The following RAD23A variants were observed in gnomAD, a reference collection of about 807,000 sequenced individuals.
RAD23A encodes lysine-specific demethylase RAD23A.
In RAD23A, 16 loss-of-function variants were observed where a neutral mutation model predicts 44.8. The ratio of observed to expected loss-of-function variants is 0.36; its 90% confidence interval spans 0.24 to 0.54. The LOEUF is 0.54. Among genes scored for constraint, RAD23A ranks in the 20% least tolerant of loss-of-function variants. RAD23A has a pLI of 0.89. For synonymous variants in RAD23A, 217 were observed against 202.9 expected (o/e 1.07, Z -0.59); for missense variants, 380 against 483.3 (o/e 0.79, Z 2.00).
Position 12,948,294 on chromosome 19 carries a change from G to A in RAD23A, c.352G>A (p.Ala118Thr), listed in dbSNP as rs766779899. Residue 118 changes from alanine to threonine, a missense_variant, in exon 3 of 9, where the codon GCC (alanine) becomes ACC (threonine). Physicochemically the swap from Ala to Thr is moderately conservative, Grantham distance 58. Coordinates refer to ENST00000586534, the MANE Select transcript of RAD23A (RefSeq NM_005053.4). The surrounding 1 kb of genome is among the most constrained non-coding windows in gnomAD (Gnocchi z 5.5). ...TSGMSHPPPA[A>T]REDKSPSEES... ...AGGCATGTCCCATCCCCCACCTGCC[G>A]CCAGAGAGGACAAGAGCCCATCAGA... 70 of 1,612,848 alleles carry A rather than the reference G, an allele frequency of 4.3e-5. No homozygotes were observed. The highest frequency in any genetic ancestry group is 1.3e-4 in the African/African-American group (10 of 74,896).
intron 7 of RAD23A, among the ~76,000 whole-genome samples, chr19:12,950,435 C>T (rs919851118): frequency 1.3e-5 from 2 of 151,872 alleles, no homozygotes; most frequent in African/African-American, 2.4e-5. Context: ...GAGGAAATCT[C>T]GCTCTGTCGC....
chr19:12,952,212 G>A (rs1324066623), intron 7 of RAD23A, among the ~76,000 whole-genome samples: 1 of 151,174 alleles, frequency 6.6e-6, no homozygotes, highest in East Asian at 1.9e-4. Context: ...GCCTATTTAT[G>A]TATTTATTTA....
Position 12,949,305 on chromosome 19 carries a change from A to T in RAD23A, c.710A>T (p.Asp237Val), listed in dbSNP as rs781094089. Reference protein sequence around the residue: ...AGENPLEFLRDQPQFQNMRQV... With the variant: ...AGENPLEFLRVQPQFQNMRQV... Reference sequence around the variant, plus strand: ...GAGAACCCCCTGGAGTTCCTGCGGGACCAGCCCCAGTTCCAGAACATGCGG... The same window carrying T: ...GAGAACCCCCTGGAGTTCCTGCGGGTCCAGCCCCAGTTCCAGAACATGCGG... Residue 237 changes from aspartate to valine, a missense_variant, in exon 7 of 9, where the codon GAC becomes GTC. Physicochemically the swap from Asp to Val is radical, Grantham distance 152. Around this residue, in one of 3 missense-constraint regions of RAD23A, gnomAD observed 279 missense variants for 313.7 expected, o/e 0.89. Coordinates refer to ENST00000586534, the MANE Select transcript of RAD23A (RefSeq NM_005053.4). 6 of 1,613,956 alleles carry T rather than the reference A, an allele frequency of 3.7e-6. No homozygotes were observed. In the Admixed American group the frequency reaches 6.7e-5, roughly 18 times the overall value.
Position 12,953,477 on chromosome 19 carries a change from T to C in RAD23A, c.*428T>C, listed in dbSNP as rs1971871953. ...CCTCCATTGGAGTGGCCCAAATCTT[T>C]CCATCTAGGGCAAGTCCTGAAAGGC... On this transcript the variant is annotated 3_prime_UTR_variant, in exon 9 of 9. Transcript: ENST00000586534. The C allele has an allele frequency of 6.5e-6, 1 of 154,046 alleles. No homozygotes were observed. The highest frequency in any genetic ancestry group is 6.5e-5 in the Admixed American group (1 of 15,302). The allele number at this position is 154,046 out of a possible 1,614,324, so 9.5% of individuals were successfully genotyped here.
At chr19:12,950,601 C>T (rs879699624) in intron 7 of RAD23A, among the ~76,000 whole-genome samples, 12 of 152,102 alleles carry the variant, frequency 7.9e-5, no homozygotes, top group Non-Finnish European at 1.3e-4. Flanking sequence ...TGGGATTTCA[C>T]CCTGTTAGCC....
intron 1 of RAD23A, among the ~76,000 whole-genome samples, chr19:12,947,211 C>T (rs936169757): frequency 2.0e-5 from 3 of 151,918 alleles, no homozygotes; most frequent in Non-Finnish European, 4.4e-5. Context: ...TTGCTTGAGG[C>T]CAGGAGTTTG....
chr19:12,949,215 A>G, intron 6 of RAD23A, 56 bp downstream of exon 6: 2 of 1,613,848 alleles, frequency 1.2e-6, no homozygotes, highest in Non-Finnish European at 8.5e-7. Flanking sequence ...ATTACACTCC[A>G]CCCCGCAGTG....
At position 12,953,221 on chromosome 19, in the gene RAD23A, T is replaced by G; in HGVS notation, c.*172T>G. The G allele has an allele frequency of 2.1e-6, 1 of 473,834 alleles. No individual in the cohort carries two copies. Among genetic ancestry groups the G allele is most frequent in the Non-Finnish European group, 3.6e-6 (1 of 278,130 alleles). The allele number at this position is 473,834 out of a possible 1,614,324, so 29.4% of individuals were successfully genotyped here. ...TCCTGTCCTCCTAAAGTGGCCCCTGTTCCCATCTCCCGGGCCAGACAGCTG... is the reference window on the plus strand; with the variant it reads ...TCCTGTCCTCCTAAAGTGGCCCCTGGTCCCATCTCCCGGGCCAGACAGCTG... On this transcript the variant is annotated 3_prime_UTR_variant, in exon 9 of 9. Coordinates refer to ENST00000586534, the MANE Select transcript of RAD23A (RefSeq NM_005053.4).
Position 12,952,871 on chromosome 19 carries a change from G to A in RAD23A, c.978+18G>A. 1 of 1,603,666 alleles carries A rather than the reference G, an allele frequency of 6.2e-7. No homozygotes were observed. Among genetic ancestry groups the A allele is most frequent in the Non-Finnish European group, 8.5e-7 (1 of 1,173,512 alleles). On this transcript the variant is annotated intron_variant, in intron 8 of 8. Transcript: ENST00000586534. Reference sequence around the variant, plus strand: ...TAGAGAGGGTAAGAGGCCTGGCTGAGGGGTGACTGCAGGTGGGCAGGACCC... The same window carrying A: ...TAGAGAGGGTAAGAGGCCTGGCTGAAGGGTGACTGCAGGTGGGCAGGACCC...
Position 12,947,853 on chromosome 19 carries a change from G to A in RAD23A, c.78G>A (p.Lys26=), listed in dbSNP as rs1157592809. 6.2e-7 allele frequency: 1 copy of A among 1,613,432 alleles called. No homozygotes were observed. Among genetic ancestry groups the A allele is most frequent in the African/African-American group, 1.3e-5 (1 of 74,926 alleles). The change falls in exon 2 of 9, where the codon AAG becomes AAA. Residue 26 remains lysine (K), a synonymous_variant. Coordinates refer to ENST00000586534, the MANE Select transcript of RAD23A (RefSeq NM_005053.4). ...KIRMEPDETV[K]VLKEKIEAEK... ...GTCTGTACCACTCCCTCTAGGTGAA[G>A]GTGCTAAAGGAGAAGATAGAAGCTG...
intron 7 of RAD23A, among the ~76,000 whole-genome samples, chr19:12,950,004 G>T (rs1971765134): frequency 6.6e-6 from 1 of 152,044 alleles, no homozygotes; most frequent in Non-Finnish European, 1.5e-5. Flanking sequence ...GCTCCTCCTG[G>T]TCGGTCGTGT....
rs767232396 is a variant in RAD23A, at chr19:12,948,753, C to T, written c.540C>T (p.Val180=). The T allele has an allele frequency of 1.5e-5, 25 of 1,613,348 alleles. No homozygotes were observed. Among genetic ancestry groups the T allele is most frequent in the Non-Finnish European group, 2.0e-5 (24 of 1,179,942 alleles). The change falls in exon 5 of 9, where the codon GTC becomes GTT. Residue 180 remains valine, a synonymous_variant. Coordinates refer to ENST00000586534, the MANE Select transcript of RAD23A (RefSeq NM_005053.4). The surrounding 1 kb of genome is among the most constrained non-coding windows in gnomAD (Gnocchi z 5.5). ...IMSMGYERER[V]VAALRASYNN... The stretch of plus-strand genomic sequence containing the variant: ...CCATGGGCTATGAGCGAGAGCGGGT[C>T]GTGGCCGCCCTGAGAGCCAGCTACA...
intron 6 of RAD23A, 27 bp downstream of exon 6, chr19:12,949,186 C>T (rs1211120587): frequency 2.5e-6 from 4 of 1,614,112 alleles, no homozygotes; most frequent in Admixed American, 1.7e-5. Flanking sequence ...CGCATCTGCC[C>T]TCCAGGTACC....
rs1222695338 is a variant in RAD23A, at chr19:12,953,177, A to C, written c.*128A>C. 1.5e-6 allele frequency: 1 copy of C among 682,040 alleles called. No individual in the cohort carries two copies. The highest frequency in any genetic ancestry group is 3.5e-5 in the Admixed American group (1 of 28,632). 42.2% of individuals were successfully genotyped at this position (682,040 alleles called of 1,614,324 possible). A position where few individuals can be genotyped will look rare whatever the true frequency, so the allele number is the denominator to read the frequency against. On this transcript the variant is annotated 3_prime_UTR_variant, in exon 9 of 9. Coordinates refer to ENST00000586534, the MANE Select transcript of RAD23A (RefSeq NM_005053.4). ...AAAAAAAATCAAAAATCTTAAAAAA[A>C]CAAGCAAACAGTCCAGCTTCCTGTC... is the stretch of plus-strand genomic sequence containing the variant.
chr19:12,946,322 C>T (rs1048672660), intron 1 of RAD23A, among the ~76,000 whole-genome samples: 1 of 152,246 alleles, frequency 6.6e-6, no homozygotes, highest in East Asian at 1.9e-4. Flanking sequence ...GATTCCTGGG[C>T]AGGCCAAGCT....
chr19:12,947,030 G>A (rs1400619278), intron 1 of RAD23A, among the ~76,000 whole-genome samples: 1 of 151,968 alleles, frequency 6.6e-6, no homozygotes, highest in African/African-American at 2.4e-5. Flanking sequence ...GTGAGACCCC[G>A]TTCTCTACAA....
chr19:12,952,206 A>AG (rs1971831974), intron 7 of RAD23A, among the ~76,000 whole-genome samples: 1 of 150,716 alleles, frequency 6.6e-6, no homozygotes, highest in Non-Finnish European at 1.5e-5. Flanking sequence ...CAGCCAGCCT[A>AG]TTTATGTATT....
intron 1 of RAD23A, 134 bp from the exon 2 acceptor site, chr19:12,947,714 T>C (rs1971704053): frequency 1.3e-6 from 1 of 768,930 alleles, no homozygotes; most frequent in Admixed American, 2.3e-5. Flanking sequence ...TAGCATGCTT[T>C]AGATGCTGAG....
rs201758927 is a variant in RAD23A at position 12,952,832 on chromosome 19, G to A, written c.957G>A (p.Gln319=). Reference sequence around the variant, plus strand: ...TGAACTACATCCAGGTGACGCCGCAGGAGAAAGAAGCTATAGAGAGGGTAA... The same window carrying A: ...TGAACTACATCCAGGTGACGCCGCAAGAGAAAGAAGCTATAGAGAGGGTAA... ...PQMNYIQVTP[Q]EKEAIERLKA... The change falls in exon 8 of 9, where the codon CAG becomes CAA. Residue 319 remains glutamine, a synonymous_variant. Transcript: ENST00000586534. 3.1e-6 allele frequency: 5 copies of A among 1,606,568 alleles called. No individual in the cohort carries two copies. In the East Asian group the frequency reaches 6.7e-5, roughly 22 times the overall value.
Sources: gnomAD v4.1 joint callset for allele counts (sites outside exome capture counted in the v4.1 genomes callset) on GRCh38, gnomAD v4.1.1 for gene constraint, gnomAD v4.1.1 regional missense constraint, Gnocchi (gnomAD v3.1) non-coding constraint, MANE v1.5 for transcripts, NCBI Gene and HGNC (gene_info 2026-07-23, HGNC 2026-07-21) for gene names.